DNAH11: variants seen among roughly 807,000 people sequenced by gnomAD.
DNAH11 encodes the protein axonemal beta dynein heavy chain 11.
Under a neutral mutation model 526.0 loss-of-function variants are expected in DNAH11, and 442 were observed. The ratio of observed to expected loss-of-function variants is 0.84; its 90% CI spans 0.78 to 0.91. The LOEUF is 0.91. Among genes scored for constraint, DNAH11 ranks in the 40% least tolerant of loss-of-function variants. The probability of loss-of-function intolerance (pLI) is 0.00; values close to 1 mark genes in which losing one functional copy is unlikely to be tolerated. For synonymous variants in DNAH11, 2,461 were observed against 1,935.9 expected (o/e 1.27, Z -7.12); for missense variants, 6,989 against 5,448.7 (o/e 1.28, Z -8.90).
intron 48 of DNAH11, among the ~76,000 whole-genome samples, chr7:21,740,047 G>A (rs9639395): frequency 0.71 from 107,923 of 151,922 alleles, 38,686 homozygotes; most frequent in Non-Finnish European, 0.76. Context: ...TGTATTATAC[G>A]TTCCAGGGGC....
intron 58 of DNAH11, 143 bp from the exon 59 acceptor site, chr7:21,786,481 C>T (rs1202798109): frequency 3.1e-6 from 3 of 970,848 alleles, no homozygotes; most frequent in Non-Finnish European, 4.4e-6. Flanking sequence ...GTGGAGTCCC[C>T]AGGTGGCAAA....
intron 28 of DNAH11, among the ~76,000 whole-genome samples, chr7:21,651,304 T>G (rs73682668): frequency 6.6e-6 from 1 of 152,244 alleles, no homozygotes; most frequent in African/African-American, 2.4e-5. Context: ...GCAAGCGGTA[T>G]GGTTTGAGAA....
At chr7:21,586,653 T>C (rs1048925532) in intron 9 of DNAH11, among the ~76,000 whole-genome samples, 2 of 152,244 alleles carry the variant, frequency 1.3e-5, no homozygotes, top group Non-Finnish European at 2.9e-5. Context: ...AGGGAATACC[T>C]GTTATTTCCT....
intron 49 of DNAH11, among the ~76,000 whole-genome samples, 157 bp downstream of exon 49, chr7:21,742,323 A>G (rs1182975667): frequency 2.0e-5 from 3 of 152,226 alleles, no homozygotes; most frequent in Non-Finnish European, 2.9e-5. Flanking sequence ...AGGCTGTGCT[A>G]GCATGGCCCC....
chr7:21,565,128 A>G (rs369017668), intron 6 of DNAH11, among the ~76,000 whole-genome samples: 15 of 152,254 alleles, frequency 9.9e-5, no homozygotes, highest in African/African-American at 1.7e-4. Flanking sequence ...AACATCAGAA[A>G]TTTATTTTCT....
chr7:21,637,660 G>A lies in DNAH11; in HGVS notation c.4775G>A (p.Cys1592Tyr). ...GTAGAAAATGTGTTAGAAGCAACGT[G>A]CAGACCTAATCTCTATGAAAAACTT... ...AKVENVLEAT[C>Y]RPNLYEKLKD... is the part of the protein sequence containing the mutation. The change falls in exon 27 of 82, where the codon TGC (cysteine) becomes TAC (tyrosine). Residue 1592 changes from cysteine (C) to tyrosine (Y), a missense_variant. By Grantham distance (194) the Cys-to-Tyr change is radical (BLOSUM62 -2). Coordinates refer to ENST00000409508, the MANE Select transcript of DNAH11 (RefSeq NM_001277115.2). The A allele has an allele frequency of 6.3e-7, 1 of 1,586,292 alleles. No individual in the cohort carries two copies. The highest frequency in any genetic ancestry group is 1.2e-5 in the South Asian group (1 of 86,368).
At chr7:21,699,858 C>T (rs1193663257) in intron 36 of DNAH11, among the ~76,000 whole-genome samples, 3 of 151,600 alleles carry the variant, frequency 2.0e-5, no homozygotes, top group Non-Finnish European at 2.9e-5. Flanking sequence ...TTTTTGCTGA[C>T]CATGTTGAAT....
chr7:21,771,041 C>T (rs1344220317), intron 55 of DNAH11, among the ~76,000 whole-genome samples: 2 of 152,164 alleles, frequency 1.3e-5, no homozygotes, highest in African/African-American at 4.8e-5. Context: ...TGTAGCACAT[C>T]AGTTTGACAT....
At chr7:21,561,272 G>A in intron 5 of DNAH11, 102 bp downstream of exon 5, 3 of 819,296 alleles carry the variant, frequency 3.7e-6, no homozygotes, top group Non-Finnish European at 6.0e-6. Flanking sequence ...CATGTTTGTG[G>A]AGTGATTGCT....
At chr7:21,704,659 T>C (rs757060413) in intron 38 of DNAH11, 31 bp downstream of exon 38, 15 of 1,577,422 alleles carry the variant, frequency 9.5e-6, no homozygotes, top group Non-Finnish European at 1.2e-5. Flanking sequence ...TCATGGCAGC[T>C]GTTGGGATTG....
chr7:21,713,323 C>A (rs1310459773), intron 42 of DNAH11, among the ~76,000 whole-genome samples: 1 of 152,128 alleles, frequency 6.6e-6, no homozygotes, highest in Non-Finnish European at 1.5e-5. Context: ...TGCCTTCCGG[C>A]TTCTGGTTGG....
chr7:21,848,166 C>CAAAAAAA (rs58058317), intron 66 of DNAH11, among the ~76,000 whole-genome samples: 1 of 88,986 alleles, frequency 1.1e-5, no homozygotes, highest in African/African-American at 4.2e-5. Context: ...GACTCTGTTT[C>CAAAAAAA]AAAAAAAAAA....
chr7:21,558,864 A>T lies in DNAH11; in HGVS notation c.558A>T (p.Gln186His). The T allele has an allele frequency of 6.2e-7, 1 of 1,610,026 alleles. No homozygotes were observed. Among genetic ancestry groups the T allele is most frequent in the Non-Finnish European group, 8.5e-7 (1 of 1,178,014 alleles). Residue 186 changes from glutamine (Q) to histidine (H), a missense_variant, in exon 3 of 82, where the codon CAA (glutamine) becomes CAT (histidine). Physicochemically the swap from Gln to His is conservative, Grantham distance 24. Coordinates refer to ENST00000409508, the MANE Select transcript of DNAH11 (RefSeq NM_001277115.2). The stretch of plus-strand genomic sequence containing the variant: ...AGTCCTGGTCCTGTTTTACTTCACA[A>T]GATATGGAATATCACATAGAAGTCA... ...NHKSWSCFTS[Q>H]DMEYHIEVMK...
chr7:21,748,752 G>A lies in DNAH11; in HGVS notation c.8673+10G>A. 2 of 1,610,998 alleles carry A rather than the reference G, an allele frequency of 1.2e-6. No individual in the cohort carries two copies. The highest frequency in any genetic ancestry group is 2.2e-5 in the South Asian group (2 of 90,556). On this transcript the variant is annotated intron_variant, in intron 52 of 81. Transcript: ENST00000409508. Reference sequence around the variant, plus strand: ...AATCCAGGAACTTCGGGTGAGTCAAGGGGACAGGCAGTTCTTCTGACCCTT... The same window carrying A: ...AATCCAGGAACTTCGGGTGAGTCAAAGGGACAGGCAGTTCTTCTGACCCTT...
Position 21,787,543 on chromosome 7 carries a change from G to A in DNAH11, c.9884G>A (p.Gly3295Asp), listed in dbSNP as rs554507939. 42 of 1,613,012 alleles carry A rather than the reference G, an allele frequency of 2.6e-5. No homozygotes were observed. The highest frequency in any genetic ancestry group is 3.3e-5 in the Non-Finnish European group (39 of 1,179,494). ...LIRTKSFAAAGLCAWVINIIK... is the reference protein window; with the variant it reads ...LIRTKSFAAADLCAWVINIIK... The stretch of plus-strand genomic sequence containing the variant: ...CGAACCAAATCTTTTGCAGCAGCTG[G>A]CCTGTGTGCCTGGGTCATCAACATC... The change falls in exon 60 of 82, where the codon GGC (glycine) becomes GAC (aspartate). Residue 3295 changes from glycine to aspartate, a missense_variant. Coordinates refer to ENST00000409508, the MANE Select transcript of DNAH11 (RefSeq NM_001277115.2).
intron 61 of DNAH11, among the ~76,000 whole-genome samples, chr7:21,793,523 G>C (rs550497351): frequency 2.8e-4 from 42 of 152,226 alleles, no homozygotes; most frequent in African/African-American, 1.0e-3. Flanking sequence ...GGCTGAGGCA[G>C]GGGAATCACT....
At position 21,738,959 on chromosome 7, in the gene DNAH11, T is replaced by G. The variant is rs969191805; in HGVS notation, c.7811+93T>G. The G allele has an allele frequency of 1.8e-5, 21 of 1,154,434 alleles. No homozygotes were observed. The African/African-American group carries it at 3.3e-4, about 18-fold the overall frequency. The allele number at this position is 1,154,434 out of a possible 1,614,324, so 71.5% of individuals were successfully genotyped here. A position where few individuals can be genotyped will look rare whatever the true frequency, so the allele number is the denominator to read the frequency against. Reference sequence around the variant, plus strand: ...GATGAATAATTATTATGAATAATTATTATGGATGAATTATTATGGATGAAT... The same window carrying G: ...GATGAATAATTATTATGAATAATTAGTATGGATGAATTATTATGGATGAAT... On this transcript the variant is annotated intron_variant, in intron 47 of 81. Coordinates refer to ENST00000409508, the MANE Select transcript of DNAH11 (RefSeq NM_001277115.2).
intron 31 of DNAH11, 24 bp from the exon 32 acceptor site, chr7:21,683,760 A>G (rs747109282): frequency 1.9e-6 from 3 of 1,561,486 alleles, no homozygotes; most frequent in Non-Finnish European, 2.6e-6. Context: ...TGTCCTGCGT[A>G]TGATGATTAT....
intron 38 of DNAH11, 80 bp from the exon 39 acceptor site, chr7:21,705,380 A>T (rs2128479475): frequency 6.8e-7 from 1 of 1,464,802 alleles, no homozygotes; most frequent in South Asian, 1.2e-5. Flanking sequence ...TAAGGAAAGA[A>T]GAATTGGGCA....
Sources: allele counts gnomAD v4.1 joint callset (sites outside exome capture counted in the v4.1 genomes callset), GRCh38; gene constraint gnomAD v4.1.1; transcripts MANE v1.5; gene names NCBI Gene and HGNC (gene_info 2026-07-23, HGNC 2026-07-21).